XYLT1: variants seen among roughly 807,000 people sequenced by gnomAD.
XYLT1 encodes beta-D-xylosyltransferase 1.
Under a neutral mutation model 91.3 loss-of-function variants are expected in XYLT1, and 36 were observed. The ratio of observed to expected loss-of-function variants is 0.39; its 90% CI spans 0.30 to 0.52. The LOEUF (loss-of-function observed/expected upper bound fraction) is 0.52. Ranked by LOEUF, XYLT1 falls within the 20% of genes least tolerant of loss-of-function variation. The pLI is 0.68. For synonymous variants in XYLT1, 588 were observed against 532.0 expected (o/e 1.11, Z -1.45); for missense variants, 1,242 against 1,284.5 (o/e 0.97, Z 0.51).
At position 17,106,291 on chromosome 16, in the gene XYLT1, G is replaced by C. The variant is rs1305373601; in HGVS notation, c.*2404C>G. On this transcript the variant is annotated 3_prime_UTR_variant, in exon 12 of 12. Coordinates refer to ENST00000261381, the MANE Select transcript of XYLT1 (RefSeq NM_022166.4). ...AAAGCACTGGTGGCCCAGCAAGGAG[G>C]GTGAAAGGGAAGCTCCCAAAGTGGC... The C allele has an allele frequency of 6.6e-6, 1 of 152,254 alleles. No homozygotes were observed. Among genetic ancestry groups the C allele is most frequent in the African/African-American group, 2.4e-5 (1 of 41,450 alleles). 9.4% of individuals were successfully genotyped at this position (152,254 alleles called of 1,614,324 possible). A position where few individuals can be genotyped will look rare whatever the true frequency, so the allele number is the denominator to read the frequency against.
intron 3 of XYLT1, among the ~76,000 whole-genome samples, chr16:17,223,035 G>GAA (rs535714440): frequency 0.027 from 3,485 of 127,372 alleles, 51 homozygotes; most frequent in Admixed American, 0.04. Context: ...ACTGCGCCAG[G>GAA]AAAAAAAAAA....
At chr16:17,404,858 C>G (rs1369434077) in intron 1 of XYLT1, among the ~76,000 whole-genome samples, 2 of 152,226 alleles carry the variant, frequency 1.3e-5, no homozygotes, top group Admixed American at 1.3e-4. Context: ...GAAATACAGG[C>G]ATAAACGTGT....
At chr16:17,256,523 C>T (rs1209970172) in intron 3 of XYLT1, among the ~76,000 whole-genome samples, 3 of 151,844 alleles carry the variant, frequency 2.0e-5, no homozygotes, top group African/African-American at 4.8e-5. Flanking sequence ...TGATGGCGGG[C>T]GCCTGTAATC....
intron 9 of XYLT1, among the ~76,000 whole-genome samples, chr16:17,129,784 G>C (rs2030402988): frequency 6.6e-6 from 1 of 152,146 alleles, no homozygotes; most frequent in South Asian, 2.1e-4. Context: ...GCCACTTGTG[G>C]CTACCGTATT....
At chr16:17,269,931 C>A (rs973820177) in intron 2 of XYLT1, among the ~76,000 whole-genome samples, 1 of 152,066 alleles carries the variant, frequency 6.6e-6, no homozygotes, top group Non-Finnish European at 1.5e-5. Context: ...CCTGCCTCAG[C>A]CTCCTGAGTA....
chr16:17,213,599 G>A (rs1337592494), intron 3 of XYLT1, among the ~76,000 whole-genome samples: 5 of 152,078 alleles, frequency 3.3e-5, no homozygotes, highest in Non-Finnish European at 7.4e-5. Flanking sequence ...AGCTTCTATT[G>A]TATTGGAACA....
chr16:17,149,237 T>C (rs751365087), intron 6 of XYLT1, among the ~76,000 whole-genome samples: 1 of 152,238 alleles, frequency 6.6e-6, no homozygotes, highest in African/African-American at 2.4e-5. Context: ...GGCTACAATC[T>C]TGGTATATTC....
chr16:17,225,152 TACAC>T (rs751269290), intron 3 of XYLT1, among the ~76,000 whole-genome samples: 114 of 147,598 alleles, frequency 7.7e-4, no homozygotes, highest in Non-Finnish European at 1.4e-3. Context: ...ATTCTTATTT[TACAC>T]ACACACACAC....
At chr16:17,380,742 T>C (rs952604597) in intron 1 of XYLT1, among the ~76,000 whole-genome samples, 1 of 152,246 alleles carries the variant, frequency 6.6e-6, no homozygotes, top group East Asian at 1.9e-4. Context: ...AGGGGAAAGC[T>C]AGCCTAGTGT....
intron 1 of XYLT1, among the ~76,000 whole-genome samples, chr16:17,469,123 T>C (rs192522441): frequency 4.6e-5 from 7 of 152,310 alleles, no homozygotes; most frequent in Admixed American, 1.3e-4. Flanking sequence ...CTGGCTCAGT[T>C]CTCAGGCATG....
At chr16:17,274,305 T>C (rs1029712781) in intron 2 of XYLT1, among the ~76,000 whole-genome samples, 1 of 152,208 alleles carries the variant, frequency 6.6e-6, no homozygotes, top group African/African-American at 2.4e-5. Context: ...GGTGTTTAAG[T>C]AGGATAGAAT....
At chr16:17,182,098 G>A (rs747938404) in intron 5 of XYLT1, among the ~76,000 whole-genome samples, 21 of 152,306 alleles carry the variant, frequency 1.4e-4, no homozygotes, top group Middle Eastern at 3.4e-3. Flanking sequence ...GGGTAGCATG[G>A]TCATGCCCTC....
In XYLT1 at chr16:17,470,468, G is replaced by A. The variant is rs570305239; in HGVS notation, c.329C>T (p.Pro110Leu). Residue 110 changes from proline to leucine, a missense_variant, in exon 1 of 12, where the codon CCG becomes CTG. Physicochemically the swap from Pro to Leu is moderately conservative, Grantham distance 98. Around this residue, in one of 3 missense-constraint regions of XYLT1, gnomAD observed 437 missense variants for 411.5 expected, o/e 1.06. Transcript: ENST00000261381. The stretch of plus-strand genomic sequence containing the variant: ...GGCGGGCAGTGCCCCCCGGCTGGCC[G>A]GCTGCTGTCCCCGCGGTTCTCCGGG... ...GGPGEPRGQQ[P>L]ASRGALPARA... 3.2e-6 allele frequency: 4 copies of A among 1,232,764 alleles called. No individual in the cohort carries two copies. Among genetic ancestry groups the A allele is most frequent in the Non-Finnish European group, 4.0e-6 (4 of 988,696 alleles). 76.4% of individuals were successfully genotyped at this position (1,232,764 alleles called of 1,614,324 possible).
At chr16:17,373,735 G>A (rs1365180662) in intron 1 of XYLT1, among the ~76,000 whole-genome samples, 1 of 152,210 alleles carries the variant, frequency 6.6e-6, no homozygotes, top group Non-Finnish European at 1.5e-5. Context: ...GAGAGGTTAT[G>A]CCATGTGCCC....
intron 2 of XYLT1, among the ~76,000 whole-genome samples, chr16:17,316,398 T>C (rs2034633063): frequency 6.6e-6 from 1 of 151,978 alleles, no homozygotes; most frequent in Non-Finnish European, 1.5e-5. Flanking sequence ...GCTTTTTATT[T>C]ATTTATTTAT....
chr16:17,319,424 A>T (rs189098376), intron 2 of XYLT1, among the ~76,000 whole-genome samples: 15 of 152,086 alleles, frequency 9.9e-5, no homozygotes, highest in Non-Finnish European at 2.9e-5. Flanking sequence ...TGGGTCAGAG[A>T]GTGTGAAACA....
At chr16:17,434,055 G>C (rs2036422913) in intron 1 of XYLT1, among the ~76,000 whole-genome samples, 1 of 152,166 alleles carries the variant, frequency 6.6e-6, no homozygotes, top group Non-Finnish European at 1.5e-5. Flanking sequence ...GCCCTTAATA[G>C]AGTATTGCAT....
intron 5 of XYLT1, among the ~76,000 whole-genome samples, chr16:17,159,273 G>C (rs2031491385): frequency 6.6e-6 from 1 of 152,090 alleles, no homozygotes; most frequent in East Asian, 1.9e-4. Flanking sequence ...CTTTGCATTT[G>C]CTTGCCTGGG....
At chr16:17,120,962 CATCT>C (rs2030031083) in intron 10 of XYLT1, among the ~76,000 whole-genome samples, 2 of 152,170 alleles carry the variant, frequency 1.3e-5, no homozygotes, top group South Asian at 4.1e-4. Flanking sequence ...AACCATTAAT[CATCT>C]ATCCATCTGT....
Sources: allele counts gnomAD v4.1 joint callset (sites outside exome capture counted in the v4.1 genomes callset), GRCh38; gene constraint gnomAD v4.1.1; regional missense constraint gnomAD v4.1.1; transcripts MANE v1.5; gene names NCBI Gene and HGNC (gene_info 2026-07-23, HGNC 2026-07-21).